The following ZNF506 variants were observed in gnomAD, a reference collection of about 807,000 sequenced individuals.
ZNF506 encodes zinc finger protein 506.
Under a neutral mutation model 11.6 loss-of-function variants are expected in ZNF506, and 10 were observed. The observed-to-expected ratio is 0.86, with a 90% confidence interval of 0.53 to 1.46. ZNF506 has a LOEUF of 1.46. Among genes scored for constraint, ZNF506 ranks in the 40% most tolerant of loss-of-function variants. ZNF506 has a pLI of 0.00. For missense variants in ZNF506, 425 were observed against 521.2 expected (o/e 0.82, Z 1.80); for synonymous variants, 156 against 173.3 (o/e 0.90, Z 0.78).
At chr19:19,801,276 A>G (rs1156294571) in intron 3 of ZNF506, among the ~76,000 whole-genome samples, 1 of 152,216 alleles carries the variant, frequency 6.6e-6, no homozygotes, top group African/African-American at 2.4e-5. Flanking sequence ...GGATTGCCTG[A>G]GGTCAGGAGT....
At chr19:19,799,372 G>C in intron 3 of ZNF506, 1 of 583,784 alleles carries the variant, frequency 1.7e-6, no homozygotes, top group South Asian at 2.2e-5. Flanking sequence ...TCTAATGAAG[G>C]TATAGAGAAC....
rs182643655 is a variant in ZNF506 at position 19,819,449 on chromosome 19, G to A, written c.3+2152C>T. Among the ~76,000 whole-genome samples, 171 of 152,100 alleles carry A rather than the reference G, an allele frequency of 1.1e-3. 1 individual carries two copies. The highest frequency in any genetic ancestry group is 3.8e-3 in the African/African-American group (156 of 41,510). On this transcript the variant is annotated intron_variant, in intron 1 of 3. Transcript: ENST00000540806. ...AGGCTGCCACCTGCTCCCTTAAGAG[G>A]CTACACTCCATACTTCAGGTAGTCC...
chr19:19,804,376 CAAT>C (rs2062818220), intron 3 of ZNF506, among the ~76,000 whole-genome samples: 1 of 152,200 alleles, frequency 6.6e-6, no homozygotes, highest in Admixed American at 6.5e-5. Context: ...ATCAAAACCA[CAAT>C]GAGATACCAT....
chr19:19,800,150 A>C (rs1184624518), intron 3 of ZNF506, among the ~76,000 whole-genome samples: 1 of 152,034 alleles, frequency 6.6e-6, no homozygotes, highest in Non-Finnish European at 1.5e-5. Context: ...TCTAACAACT[A>C]TTAAGATAAA....
intron 1 of ZNF506, among the ~76,000 whole-genome samples, chr19:19,811,809 G>T (rs1211380479): frequency 6.6e-6 from 1 of 151,988 alleles, no homozygotes; most frequent in Non-Finnish European, 1.5e-5. Flanking sequence ...TATAATAACG[G>T]TTCTTCTCTT....
chr19:19,821,674 G>A lies in ZNF506; in HGVS notation c.-71C>T. On this transcript the variant is annotated 5_prime_UTR_variant, in exon 1 of 4. Transcript: ENST00000540806. ...AATACCTGCAGGTCACAGGGCCACA[G>A]AGGCTGGGCCTCTAGGAGCTGACGG... 1.3e-6 allele frequency: 2 copies of A among 1,592,684 alleles called. No homozygotes were observed. Among genetic ancestry groups the A allele is most frequent in the African/African-American group, 1.3e-5 (1 of 74,626 alleles).
chr19:19,819,082 G>A (rs1261417134), intron 1 of ZNF506, among the ~76,000 whole-genome samples: 1 of 152,114 alleles, frequency 6.6e-6, no homozygotes, highest in Non-Finnish European at 1.5e-5. Flanking sequence ...ATCCTGTTCA[G>A]GTACATGCTC....
chr19:19,794,732 A>C lies in ZNF506; in HGVS notation c.1155T>G (p.Thr385=). 6.2e-7 allele frequency: 1 copy of C among 1,613,976 alleles called. No homozygotes were observed. The highest frequency in any genetic ancestry group is 1.1e-5 in the South Asian group (1 of 91,076). The change falls in exon 4 of 4, where the codon ACT becomes ACG. Residue 385 remains threonine, a synonymous_variant. Coordinates refer to ENST00000540806, the MANE Select transcript of ZNF506 (RefSeq NM_001099269.3). The part of the protein sequence containing the change: ...GKAFTAFSTL[T]EHKIIHTGEK... Reference sequence around the variant, plus strand: ...CTCCAGTATGAATTATCTTATGTTCAGTTAGAGTTGAGAATGCAGTAAAGG... The same window carrying C: ...CTCCAGTATGAATTATCTTATGTTCCGTTAGAGTTGAGAATGCAGTAAAGG...
chr19:19,819,931 T>C (rs532729267), intron 1 of ZNF506, among the ~76,000 whole-genome samples: 16 of 152,122 alleles, frequency 1.1e-4, no homozygotes, highest in African/African-American at 3.6e-4. Context: ...ACCCTGTCTC[T>C]ACTAAAAATA....
Position 19,794,908 on chromosome 19 carries a change from T to C in ZNF506, c.979A>G (p.Asn327Asp). The change falls in exon 4 of 4, where the codon AAC becomes GAC. Residue 327 changes from asparagine (N) to aspartate (D), a missense_variant. Asn to Asp is a conservative substitution (Grantham distance 23, BLOSUM62 1). Coordinates refer to ENST00000540806, the MANE Select transcript of ZNF506 (RefSeq NM_001099269.3). Reference sequence around the variant, plus strand: ...TGAATTCTCTTATGTTTAGTAAGGTTTGAGGAACGGTTAAAAGCTTTGCCA... The same window carrying C: ...TGAATTCTCTTATGTTTAGTAAGGTCTGAGGAACGGTTAAAAGCTTTGCCA... ...ECGKAFNRSSNLTKHKRIHTG... is the reference protein window; with the variant it reads ...ECGKAFNRSSDLTKHKRIHTG... 6.2e-7 allele frequency: 1 copy of C among 1,613,780 alleles called. No homozygotes were observed. The highest frequency in any genetic ancestry group is 8.5e-7 in the Non-Finnish European group (1 of 1,179,942).
intron 3 of ZNF506, among the ~76,000 whole-genome samples, chr19:19,805,767 G>A (rs572444778): frequency 6.6e-6 from 1 of 152,218 alleles, no homozygotes. Flanking sequence ...TCATGAAGAG[G>A]ACTTTGGCTC....
At position 19,804,494 on chromosome 19, in the gene ZNF506, A is replaced by G. The variant is rs1036903400; in HGVS notation, c.226+1537T>C. On this transcript the variant is annotated intron_variant, in intron 3 of 3. Transcript: ENST00000540806. ...TTTTACACTGTTGGCGGGAGTGTAA[A>G]CTAGTTCAACCATTGTGGAAGACAG... 2.0e-5 allele frequency among the ~76,000 whole-genome samples: 3 copies of G among 152,214 alleles called. No homozygotes were observed. The East Asian group carries it at 5.8e-4, about 29-fold the overall frequency.
intron 1 of ZNF506, among the ~76,000 whole-genome samples, chr19:19,815,180 A>G (rs1022104959): frequency 6.6e-6 from 1 of 152,216 alleles, no homozygotes; most frequent in African/African-American, 2.4e-5. Flanking sequence ...GAATGGCGTG[A>G]ACCCGGGAGG....
chr19:19,806,247 T>G, intron 2 of ZNF506, 121 bp from the exon 3 acceptor site: 1 of 695,342 alleles, frequency 1.4e-6, no homozygotes, highest in Non-Finnish European at 2.1e-6. Flanking sequence ...AAATACTAAG[T>G]TATAACAGAA....
intron 1 of ZNF506, among the ~76,000 whole-genome samples, chr19:19,813,074 C>T (rs2062895461): frequency 6.6e-6 from 1 of 152,154 alleles, no homozygotes; most frequent in Admixed American, 6.6e-5. Context: ...TACATTAGAG[C>T]TTGCAATATA....
chr19:19,811,291 C>G (rs148009076), intron 1 of ZNF506, among the ~76,000 whole-genome samples: 2 of 152,178 alleles, frequency 1.3e-5, no homozygotes, highest in African/African-American at 4.8e-5. Flanking sequence ...TCCCAAGTAG[C>G]TAGAACTACA....
At chr19:19,813,533 G>A (rs1026506110) in intron 1 of ZNF506, among the ~76,000 whole-genome samples, 2 of 152,038 alleles carry the variant, frequency 1.3e-5, no homozygotes, top group Admixed American at 1.3e-4. Flanking sequence ...ATTTGACCCA[G>A]GAACCTCATA....
chr19:19,801,786 G>T (rs1476829330), intron 3 of ZNF506, among the ~76,000 whole-genome samples: 1 of 146,964 alleles, frequency 6.8e-6, no homozygotes, highest in African/African-American at 2.5e-5. Flanking sequence ...GTGAGACTCT[G>T]TCTCAAAAAA....
At chr19:19,801,781 ACT>A (rs1265209215) in intron 3 of ZNF506, among the ~76,000 whole-genome samples, 1 of 151,110 alleles carries the variant, frequency 6.6e-6, no homozygotes, top group African/African-American at 2.4e-5. Flanking sequence ...ACAGAGTGAG[ACT>A]CTGTCTCAAA....
Sources: allele counts gnomAD v4.1 joint callset (sites outside exome capture counted in the v4.1 genomes callset), GRCh38; gene constraint gnomAD v4.1.1; transcripts MANE v1.5; gene names NCBI Gene and HGNC (gene_info 2026-07-23, HGNC 2026-07-21).